The following CCDC136 variants were observed in gnomAD, a reference collection of about 807,000 sequenced individuals.
CCDC136 encodes the protein coiled-coil domain-containing protein 136.
In CCDC136, 100 loss-of-function variants were observed where a neutral mutation model predicts 141.2. The ratio of observed to expected loss-of-function variants is 0.71; its 90% CI spans 0.60 to 0.84. The LOEUF is 0.84. Ranked by LOEUF, CCDC136 falls within the 40% of genes least tolerant of loss-of-function variation. The pLI is 0.00. For missense variants in CCDC136, 1,206 were observed against 1,379.4 expected (o/e 0.87, Z 1.99); for synonymous variants, 474 against 531.9 (o/e 0.89, Z 1.50).
chr7:128,793,923 G>T (rs73238122), intron 1 of CCDC136, among the ~76,000 whole-genome samples: 24,222 of 152,020 alleles, frequency 0.16, 2,021 homozygotes, highest in East Asian at 0.22. Flanking sequence ...GTTTTGTTTT[G>T]TTTTTTAACT....
chr7:128,797,642 T>C (rs558807957), intron 3 of CCDC136, among the ~76,000 whole-genome samples: 2 of 152,094 alleles, frequency 1.3e-5, no homozygotes, highest in African/African-American at 4.8e-5. Context: ...GAGGCACCGA[T>C]TGGATTGGGT....
chr7:128,811,664 C>A, intron 12 of CCDC136, 136 bp from the exon 13 acceptor site: 2 of 765,924 alleles, frequency 2.6e-6, no homozygotes, highest in Non-Finnish European at 4.2e-6. Flanking sequence ...AAGTCAGAGA[C>A]ATAGGCCGGG....
chr7:128,797,005 T>G (rs1247045125), intron 3 of CCDC136, among the ~76,000 whole-genome samples: 1 of 151,804 alleles, frequency 6.6e-6, no homozygotes, highest in African/African-American at 2.4e-5. Flanking sequence ...CCTCCCAAAG[T>G]GCTGGGATTA....
At chr7:128,811,723 A>T in intron 12 of CCDC136, 77 bp from the exon 13 acceptor site, 1 of 1,355,984 alleles carries the variant, frequency 7.4e-7, no homozygotes, top group Non-Finnish European at 1.0e-6. Flanking sequence ...GCTCTCAGAC[A>T]TCTGTACCAG....
At position 128,806,671 on chromosome 7, in the gene CCDC136, A is replaced by G. The variant is rs777438060; in HGVS notation, c.1249-17A>G. On this transcript the variant is annotated splice_polypyrimidine_tract_variant and intron_variant, in intron 8 of 17. Transcript: ENST00000297788. ...TAAGGAGCCCAAAGGCACTGCCCAAAGCCCCCTCTACCATAGGAGTTACTG... is the reference window on the plus strand; with the variant it reads ...TAAGGAGCCCAAAGGCACTGCCCAAGGCCCCCTCTACCATAGGAGTTACTG... The G allele has an allele frequency of 2.5e-6, 4 of 1,604,338 alleles. No individual in the cohort carries two copies. In the East Asian group the frequency reaches 8.9e-5, roughly 36 times the overall value.
chr7:128,805,214 A>T lies in CCDC136; in HGVS notation c.783-145A>T. On this transcript the variant is annotated intron_variant, in intron 5 of 17. Transcript: ENST00000297788. The surrounding 1 kb of genome is among the most constrained non-coding windows in gnomAD (Gnocchi z 4.6). The stretch of plus-strand genomic sequence containing the variant: ...GGCTGGAGACTTTCTGTAGTCTTTT[A>T]AGCATGTTTATCTGAGCGGTGAGTC... The T allele has an allele frequency of 1.4e-6, 1 of 691,926 alleles. No individual in the cohort carries two copies. Among genetic ancestry groups the T allele is most frequent in the Non-Finnish European group, 2.5e-6 (1 of 402,860 alleles). 42.9% of individuals were successfully genotyped at this position (691,926 alleles called of 1,614,324 possible). A position where few individuals can be genotyped will look rare whatever the true frequency, so the allele number is the denominator to read the frequency against.
In CCDC136 at chr7:128,817,993, G is replaced by C. The variant is rs886255146; in HGVS notation, c.*5+129G>C. The C allele has an allele frequency of 3.4e-4, 240 of 706,586 alleles. No homozygotes were observed. Among genetic ancestry groups the C allele is most frequent in the Non-Finnish European group, 5.5e-5 (22 of 403,386 alleles). 43.8% of individuals were successfully genotyped at this position (706,586 alleles called of 1,614,324 possible). A position where few individuals can be genotyped will look rare whatever the true frequency, so the allele number is the denominator to read the frequency against. On this transcript the variant is annotated intron_variant, in intron 17 of 17. Transcript: ENST00000297788. The surrounding 1 kb of genome is among the most constrained non-coding windows in gnomAD (Gnocchi z 4.6). ...GCCATTTTATAATAGGTGATGCTCAGGTCTGAGTTTTAGTTCTGACTTTTC... is the reference window on the plus strand; with the variant it reads ...GCCATTTTATAATAGGTGATGCTCACGTCTGAGTTTTAGTTCTGACTTTTC...
chr7:128,794,870 C>A lies in CCDC136; in HGVS notation c.346+102C>A. ...CTGAAGCACAGCAGATAAAAATAAC[C>A]AAATTCAGTAATTTCACCTCATTTT... On this transcript the variant is annotated intron_variant, in intron 3 of 17. Coordinates refer to ENST00000297788, the MANE Select transcript of CCDC136 (RefSeq NM_022742.5). This position sits in a 1 kb window ranked among gnomAD's most constrained non-coding sequence, Gnocchi z 4.3. The A allele has an allele frequency of 1.1e-6, 1 of 872,000 alleles. No individual in the cohort carries two copies. Among genetic ancestry groups the A allele is most frequent in the Non-Finnish European group, 1.8e-6 (1 of 547,386 alleles). The allele number at this position is 872,000 out of a possible 1,614,324, so 54.0% of individuals were successfully genotyped here. A position where few individuals can be genotyped will look rare whatever the true frequency, so the allele number is the denominator to read the frequency against.
chr7:128,814,517 G>T, intron 14 of CCDC136, 121 bp from the exon 15 acceptor site: 2 of 659,996 alleles, frequency 3.0e-6, no homozygotes, highest in Non-Finnish European at 5.0e-6. Flanking sequence ...ACTTCCTATG[G>T]GCTTTAACAG....
Position 128,794,650 on chromosome 7 carries a change from C to G in CCDC136, c.272-44C>G, listed in dbSNP as rs542315962. 4.9e-5 allele frequency: 75 copies of G among 1,537,568 alleles called. No homozygotes were observed. Among genetic ancestry groups the G allele is most frequent in the South Asian group, 8.5e-5 (7 of 82,214 alleles). On this transcript the variant is annotated intron_variant, in intron 2 of 17. Transcript: ENST00000297788. The surrounding 1 kb of genome is among the most constrained non-coding windows in gnomAD (Gnocchi z 4.3). ...AGTGCCCGGGCCCAGAGGCTCTGCA[C>G]TCCCCTGGATCCGAGCTTGACACTG...
upstream of CCDC136, chr7:128,791,829 C>CT (rs1485754671): frequency 2.6e-6 from 1 of 389,860 alleles, no homozygotes; most frequent in Non-Finnish European, 4.5e-6. This position sits in a 1 kb window ranked among gnomAD's most constrained non-coding sequence, Gnocchi z 7.1. Flanking sequence ...ACTGCAGACC[C>CT]TACACCTCCT....
intron 3 of CCDC136, among the ~76,000 whole-genome samples, chr7:128,795,356 C>T (rs1205889139): frequency 6.6e-6 from 1 of 152,086 alleles, no homozygotes; most frequent in Non-Finnish European, 1.5e-5. Context: ...CACATTCCAC[C>T]ACACCACCAA....
chr7:128,797,449 C>T (rs1008223501), intron 3 of CCDC136, among the ~76,000 whole-genome samples: 4 of 152,094 alleles, frequency 2.6e-5, no homozygotes, highest in Non-Finnish European at 5.9e-5. Flanking sequence ...TTTAGAGGTC[C>T]AGTATAGAAG....
In CCDC136 at chr7:128,792,159, A is replaced by C; in HGVS notation, c.-253A>C. 1.3e-5 allele frequency: 18 copies of C among 1,437,320 alleles called. No homozygotes were observed. Among genetic ancestry groups the C allele is most frequent in the East Asian group, 2.6e-5 (1 of 37,738 alleles). The allele number at this position is 1,437,320 out of a possible 1,614,324, so 89.0% of individuals were successfully genotyped here. On this transcript the variant is annotated 5_prime_UTR_variant, in exon 1 of 18. Transcript: ENST00000297788. ...GAGGCAGGGCTGAGAGGTGGCCGAG[A>C]GAGAGGAGTCGCAGAGCCGCCAGAG...
intron 3 of CCDC136, among the ~76,000 whole-genome samples, chr7:128,795,286 A>G (rs893387157): frequency 2.0e-5 from 3 of 151,982 alleles, no homozygotes; most frequent in African/African-American, 7.3e-5. Flanking sequence ...GTGGGCCCCA[A>G]ATCCCTTTTT....
At chr7:128,806,541 C>G in intron 8 of CCDC136, 146 bp downstream of exon 8, 2 of 1,039,780 alleles carry the variant, frequency 1.9e-6, no homozygotes, top group Non-Finnish European at 2.8e-6. Context: ...CAGCCCTGCT[C>G]GAGTACTACA....
chr7:128,800,312 ACCGAGT>A (rs1359291074), intron 3 of CCDC136, among the ~76,000 whole-genome samples: 3 of 152,112 alleles, frequency 2.0e-5, no homozygotes, highest in Non-Finnish European at 4.4e-5. Context: ...ATTTTTCGAG[ACCGAGT>A]CTCACTCTGT....
rs1238402715 is a variant in CCDC136 at position 128,809,615 on chromosome 7, C to T, written c.1771C>T (p.Pro591Ser). The T allele has an allele frequency of 1.9e-6, 3 of 1,550,438 alleles. No homozygotes were observed. Among genetic ancestry groups the T allele is most frequent in the South Asian group, 1.2e-5 (1 of 82,716 alleles). ...GGAAGAGCTGCACAGGCTCACACTG[C>T]CACTGCCAAAGAGTGGCCTCTTACT... Reference protein sequence around the residue: ...LQEELHRLTLPLPKSGLLLKS... With the variant: ...LQEELHRLTLSLPKSGLLLKS... Residue 591 changes from proline (P) to serine (S), a missense_variant, in exon 11 of 18, where the codon CCA becomes TCA. Pro to Ser is a moderately conservative substitution (Grantham distance 74). Transcript: ENST00000297788.
At position 128,792,307 on chromosome 7, in the gene CCDC136, T is replaced by G; in HGVS notation, c.-105T>G. ...CCCCCACCCCCCAGCCCCTCCTTTC[T>G]CCCTGCTCTCAGGACCCACAGTGAC... is the stretch of plus-strand genomic sequence containing the variant. On this transcript the variant is annotated 5_prime_UTR_variant, in exon 1 of 18. Transcript: ENST00000297788. 1 of 1,223,370 alleles carries G rather than the reference T, an allele frequency of 8.2e-7. No homozygotes were observed. The highest frequency in any genetic ancestry group is 1.1e-6 in the Non-Finnish European group (1 of 895,746). The allele number at this position is 1,223,370 out of a possible 1,614,324, so 75.8% of individuals were successfully genotyped here. A position where few individuals can be genotyped will look rare whatever the true frequency, so the allele number is the denominator to read the frequency against.
Sources: allele counts gnomAD v4.1 joint callset (sites outside exome capture counted in the v4.1 genomes callset), GRCh38; gene constraint gnomAD v4.1.1; non-coding constraint Gnocchi (gnomAD v3.1); transcripts MANE v1.5; gene names NCBI Gene and HGNC (gene_info 2026-07-23, HGNC 2026-07-21).